STOM: variants seen among roughly 807,000 people sequenced by gnomAD.
STOM encodes the protein stomatin, also known as erythrocyte band 7 integral membrane protein.
STOM carries 25 observed loss-of-function variants against 30.6 expected under a neutral mutation model. The ratio of observed to expected loss-of-function variants is 0.82; its 90% confidence interval spans 0.60 to 1.14. The LOEUF is 1.14. STOM is among the 50% of genes most tolerant of loss of function. The pLI is 0.00. For synonymous variants in STOM, 118 were observed against 130.8 expected (o/e 0.90, Z 0.67); for missense variants, 292 against 365.2 (o/e 0.80, Z 1.63).
At chr9:121,353,904 G>A (rs537421181) in intron 3 of STOM, among the ~76,000 whole-genome samples, 2 of 152,252 alleles carry the variant, frequency 1.3e-5, no homozygotes, top group South Asian at 2.1e-4. Context: ...CTCAGCCTAC[G>A]ACTAGTTCAG....
At chr9:121,364,190 C>T (rs187498174) in intron 1 of STOM, among the ~76,000 whole-genome samples, 8 of 152,228 alleles carry the variant, frequency 5.3e-5, no homozygotes, top group African/African-American at 1.7e-4. Context: ...GGTAGCGTCT[C>T]GATAAACGTA....
rs117737502 is a variant in STOM at position 121,350,090 on chromosome 9, T to C, written c.322-767A>G. ...GTAAGAGCTGTCTTATTATTTCATCTTGGATAATGGTGGTAACTTTACTGA... is the reference window on the plus strand; with the variant it reads ...GTAAGAGCTGTCTTATTATTTCATCCTGGATAATGGTGGTAACTTTACTGA... On this transcript the variant is annotated intron_variant, in intron 4 of 6. Coordinates refer to ENST00000286713, the MANE Select transcript of STOM (RefSeq NM_004099.6). Among the ~76,000 whole-genome samples the C allele has an allele frequency of 3.0e-4, 46 of 152,360 alleles. 3 individuals are homozygous for C. The East Asian group carries it at 8.9e-3, about 29-fold the overall frequency.
chr9:121,350,059 T>C (rs78340269), intron 4 of STOM, among the ~76,000 whole-genome samples: 4,919 of 152,352 alleles, frequency 0.032, 92 homozygotes, highest in Middle Eastern at 0.068. Flanking sequence ...GAAAAGTTCC[T>C]GGCACGTAAG....
In STOM at chr9:121,341,302, A is replaced by C; in HGVS notation, c.767T>G (p.Leu256Arg). The change falls in exon 7 of 7, where the codon CTG (leucine) becomes CGG (arginine). Residue 256 changes from leucine to arginine, a missense_variant. By Grantham distance (102) the Leu-to-Arg change is moderately radical. Transcript: ENST00000286713. ...GTTTTTCTCAGCAGCAATGGTGGTC[A>C]GTGTCTGCAGGTATCGGAGCTGAAG... is the stretch of plus-strand genomic sequence containing the variant. ...AALQLRYLQT[L>R]TTIAAEKNST... 2 of 1,614,220 alleles carry C rather than the reference A, an allele frequency of 1.2e-6. No individual in the cohort carries two copies. Among genetic ancestry groups the C allele is most frequent in the Non-Finnish European group, 1.7e-6 (2 of 1,180,042 alleles).
chr9:121,366,931 A>G (rs1235396210), intron 1 of STOM, among the ~76,000 whole-genome samples: 1 of 151,876 alleles, frequency 6.6e-6, no homozygotes, highest in Non-Finnish European at 1.5e-5. Flanking sequence ...TAAAAAAAAA[A>G]AAAAAATTAG....
At chr9:121,344,716 T>C (rs2064274851) in intron 6 of STOM, among the ~76,000 whole-genome samples, 1 of 152,212 alleles carries the variant, frequency 6.6e-6, no homozygotes, top group African/African-American at 2.4e-5. Context: ...GCAGACCAGG[T>C]GGTCTGGGCA....
chr9:121,359,923 TATAGCAAAAG>T (rs1447988141), intron 1 of STOM, among the ~76,000 whole-genome samples: 1 of 152,220 alleles, frequency 6.6e-6, no homozygotes, highest in Non-Finnish European at 1.5e-5. Context: ...CATGCCTATT[TATAGCAAAAG>T]ATAGTTTCAA....
Position 121,356,070 on chromosome 9 carries a change from T to C in STOM, c.148A>G (p.Ile50Val), listed in dbSNP as rs768429679. 3.1e-6 allele frequency: 5 copies of C among 1,614,096 alleles called. No individual in the cohort carries two copies. The highest frequency in any genetic ancestry group is 2.7e-5 in the African/African-American group (2 of 75,030). The change falls in exon 2 of 7, where the codon ATA becomes GTA. Residue 50 changes from isoleucine to valine, a missense_variant. By Grantham distance (29) the Ile-to-Val change is conservative. Transcript: ENST00000286713. ...LFTVITFPIS[I>V]WMCIKIIKEY... is the part of the protein sequence containing the mutation. ...TTCTTTACCTTTATGCACATCCATA[T>C]TGAGATTGGGAAAGTTATAACGGTG... is the stretch of plus-strand genomic sequence containing the variant.
chr9:121,367,205 C>T (rs78072084), intron 1 of STOM, among the ~76,000 whole-genome samples: 25 of 126,410 alleles, frequency 2.0e-4, no homozygotes, highest in Admixed American at 6.0e-4. Context: ...AGGGTATTCA[C>T]TTTTTTTGTA....
intron 1 of STOM, among the ~76,000 whole-genome samples, chr9:121,367,835 A>T (rs1280186081): frequency 6.6e-6 from 1 of 152,232 alleles, no homozygotes; most frequent in Non-Finnish European, 1.5e-5. Context: ...AAAGTACTGA[A>T]GTTAGACAAG....
intron 1 of STOM, among the ~76,000 whole-genome samples, chr9:121,361,392 T>A (rs1589297209): frequency 2.8e-5 from 4 of 140,540 alleles, no homozygotes; most frequent in African/African-American, 1.1e-4. Context: ...TTTTTTTTTT[T>A]TTTTTTTTTT....
rs138655285 is a variant in STOM, at chr9:121,355,448, T to G, written c.165+605A>C. 3.2e-3 allele frequency among the ~76,000 whole-genome samples: 487 copies of G among 151,906 alleles called. 2 individuals are homozygous for G. Among genetic ancestry groups the G allele is most frequent in the African/African-American group, 0.011 (450 of 41,456 alleles). On this transcript the variant is annotated intron_variant, in intron 2 of 6. Coordinates refer to ENST00000286713, the MANE Select transcript of STOM (RefSeq NM_004099.6). ...TTCAGAAACACAAAAAGCTGAAGTC[T>G]TCACAGTTTTTCTTCTGATTCCCTT...
At chr9:121,348,265 A>G in intron 5 of STOM, 116 bp from the exon 6 acceptor site, 1 of 1,438,972 alleles carries the variant, frequency 6.9e-7, no homozygotes, top group Non-Finnish European at 9.5e-7. Flanking sequence ...GTGGAGAGAC[A>G]GTTACCCCAC....
In STOM at chr9:121,340,130, A is replaced by G. The variant is rs2064233204; in HGVS notation, c.*1072T>C. On this transcript the variant is annotated 3_prime_UTR_variant, in exon 7 of 7. Transcript: ENST00000286713. ...AAAACTATTTAAAACCTGATATATG[A>G]AAATAGGCAACAGTGAGAAAAAAGC... 1.0e-6 allele frequency: 1 copy of G among 984,822 alleles called. No individual in the cohort carries two copies. The highest frequency in any genetic ancestry group is 1.7e-5 in the African/African-American group (1 of 57,246). 61.0% of individuals were successfully genotyped at this position (984,822 alleles called of 1,614,324 possible). A position where few individuals can be genotyped will look rare whatever the true frequency, so the allele number is the denominator to read the frequency against.
intron 6 of STOM, among the ~76,000 whole-genome samples, chr9:121,346,188 C>T (rs1291850484): frequency 6.6e-6 from 1 of 152,128 alleles, no homozygotes; most frequent in Non-Finnish European, 1.5e-5. Context: ...CGGGGTTTCA[C>T]CATGGTGGCC....
intron 6 of STOM, 66 bp downstream of exon 6, chr9:121,347,949 G>A (rs879606547): frequency 1.4e-5 from 21 of 1,513,590 alleles, no homozygotes; most frequent in East Asian, 4.8e-5. Flanking sequence ...CATGTTTTAC[G>A]TTTTTTTATA....
rs1315896843 is a variant in STOM, at chr9:121,349,187, T to C, written c.458A>G (p.Asn153Ser). 6.2e-7 allele frequency: 1 copy of C among 1,614,012 alleles called. No homozygotes were observed. The highest frequency in any genetic ancestry group is 8.5e-7 in the Non-Finnish European group (1 of 1,180,016). The change falls in exon 5 of 7, where the codon AAT (asparagine) becomes AGT (serine). Residue 153 changes from asparagine (N) to serine (S), a missense_variant. Coordinates refer to ENST00000286713, the MANE Select transcript of STOM (RefSeq NM_004099.6). ...TRLLAQTTLR[N>S]VLGTKNLSQI... ...AGAAAGATTCTTGGTGCCCAGAACA[T>C]TCCTCAGAGTAGTTTGTGCCAAAAG...
At chr9:121,354,757 T>C in intron 2 of STOM, 84 bp from the exon 3 acceptor site, 1 of 1,007,824 alleles carries the variant, frequency 9.9e-7, no homozygotes, top group Non-Finnish European at 1.4e-6. Flanking sequence ...ATTTCTGCTC[T>C]AAACAGATTA....
chr9:121,342,152 T>C (rs535440665), intron 6 of STOM, among the ~76,000 whole-genome samples: 2 of 152,136 alleles, frequency 1.3e-5, no homozygotes, highest in African/African-American at 2.4e-5. Flanking sequence ...GGCAGATCAC[T>C]TGAGGTCAGG....
Sources: gnomAD v4.1 joint callset for allele counts (sites outside exome capture counted in the v4.1 genomes callset) on GRCh38, gnomAD v4.1.1 for gene constraint, MANE v1.5 for transcripts, NCBI Gene and HGNC (gene_info 2026-07-23, HGNC 2026-07-21) for gene names.